The following RIN3 variants were observed in gnomAD, a reference collection of about 807,000 sequenced individuals.
RIN3 encodes the protein Ras and Rab interactor 3.
In RIN3, 54 loss-of-function variants were observed where a neutral mutation model predicts 76.3. The ratio of observed to expected loss-of-function variants is 0.71; its 90% CI spans 0.57 to 0.89. The LOEUF is 0.89. Among genes scored for constraint, RIN3 ranks in the 40% least tolerant of loss-of-function variants. The probability of loss-of-function intolerance (pLI) is 0.00; values close to 1 mark genes in which losing one functional copy is unlikely to be tolerated. For synonymous variants in RIN3, 576 were observed against 564.0 expected (o/e 1.02, Z -0.30); for missense variants, 1,256 against 1,322.1 (o/e 0.95, Z 0.78).
At chr14:92,549,693 C>T (rs1897371746) in intron 1 of RIN3, among the ~76,000 whole-genome samples, 1 of 152,206 alleles carries the variant, frequency 6.6e-6, no homozygotes, top group South Asian at 2.1e-4. Context: ...TTGAGTCCTG[C>T]AGCCCAGGGA....
intron 1 of RIN3, among the ~76,000 whole-genome samples, chr14:92,544,245 G>A (rs1897194007): frequency 6.6e-6 from 1 of 152,162 alleles, no homozygotes; most frequent in South Asian, 2.1e-4. Context: ...TATGGAATGA[G>A]GAGTGGGGAG....
chr14:92,650,442 GAT>G (rs1382843927), intron 5 of RIN3, among the ~76,000 whole-genome samples: 1 of 152,230 alleles, frequency 6.6e-6, no homozygotes, highest in East Asian at 1.9e-4. Flanking sequence ...GAACGCCATG[GAT>G]GTTTGCTCCT....
chr14:92,554,816 G>T (rs944925017), intron 1 of RIN3, among the ~76,000 whole-genome samples: 1 of 152,122 alleles, frequency 6.6e-6, no homozygotes, highest in Non-Finnish European at 1.5e-5. Flanking sequence ...CCAGCTACTC[G>T]GGAGGCTGAA....
At chr14:92,592,891 C>T (rs1204880845) in intron 3 of RIN3, among the ~76,000 whole-genome samples, 4 of 151,942 alleles carry the variant, frequency 2.6e-5, no homozygotes, top group Non-Finnish European at 4.4e-5. Context: ...CCAGGCTGGT[C>T]TCGAACTCCT....
At chr14:92,609,468 T>C (rs547799142) in intron 3 of RIN3, among the ~76,000 whole-genome samples, 1 of 152,216 alleles carries the variant, frequency 6.6e-6, no homozygotes, top group African/African-American at 2.4e-5. Context: ...CCCCTGAGGC[T>C]TTTGCTGAGG....
chr14:92,540,600 G>C (rs891427850), intron 1 of RIN3, among the ~76,000 whole-genome samples: 1 of 152,228 alleles, frequency 6.6e-6, no homozygotes, highest in Non-Finnish European at 1.5e-5. Context: ...GCCTGGAACT[G>C]TGTTTTTGTT....
chr14:92,625,396 C>T (rs747478639), intron 4 of RIN3, among the ~76,000 whole-genome samples: 6 of 152,112 alleles, frequency 3.9e-5, no homozygotes, highest in South Asian at 2.1e-4. Context: ...ATGATATTTG[C>T]GGTAAAGTGA....
intron 3 of RIN3, among the ~76,000 whole-genome samples, chr14:92,590,759 A>C (rs1884951306): frequency 6.6e-6 from 1 of 152,234 alleles, no homozygotes; most frequent in Admixed American, 6.5e-5. Context: ...AAAGGAGGAA[A>C]AAACTGAGAC....
At chr14:92,539,039 G>A (rs1018216526) in intron 1 of RIN3, among the ~76,000 whole-genome samples, 3 of 152,012 alleles carry the variant, frequency 2.0e-5, no homozygotes, top group Non-Finnish European at 4.4e-5. Context: ...TGTGACAGGT[G>A]TGCTCAGGGC....
chr14:92,687,788 G>A (rs903737299), intron 9 of RIN3, 138 bp from the exon 10 acceptor site: 27 of 750,836 alleles, frequency 3.6e-5, no homozygotes, highest in Non-Finnish European at 5.2e-5. Flanking sequence ...GGCAGAGACG[G>A]GAAAGGCGCA....
chr14:92,597,284 C>T (rs1036532748), intron 3 of RIN3, among the ~76,000 whole-genome samples: 3 of 152,116 alleles, frequency 2.0e-5, no homozygotes, highest in Admixed American at 6.5e-5. Flanking sequence ...AGCATAGATT[C>T]CCAGAGAAAT....
chr14:92,682,229 G>A (rs1258381279), intron 8 of RIN3, among the ~76,000 whole-genome samples: 1 of 152,094 alleles, frequency 6.6e-6, no homozygotes, highest in Non-Finnish European at 1.5e-5. Context: ...TGATCCTGTG[G>A]CCATAAACCC....
chr14:92,654,331 AG>A (rs1213090614), intron 6 of RIN3, among the ~76,000 whole-genome samples: 1 of 113,468 alleles, frequency 8.8e-6, no homozygotes, highest in East Asian at 2.2e-4. Context: ...AAAAAAGAAA[AG>A]AAAAGAAAAA....
intron 3 of RIN3, among the ~76,000 whole-genome samples, chr14:92,612,341 C>T (rs1885773688): frequency 2.0e-5 from 3 of 152,190 alleles, no homozygotes; most frequent in African/African-American, 7.2e-5. Context: ...CCCATCAGAA[C>T]AAAGGATTGT....
At chr14:92,525,456 C>G (rs545007505) in intron 1 of RIN3, among the ~76,000 whole-genome samples, 1 of 152,050 alleles carries the variant, frequency 6.6e-6, no homozygotes, top group Non-Finnish European at 1.5e-5. Flanking sequence ...GAAGGAGGAT[C>G]TAGTGCAGGG....
intron 3 of RIN3, among the ~76,000 whole-genome samples, chr14:92,610,201 G>C (rs538774711): frequency 1.4e-4 from 21 of 152,142 alleles, no homozygotes; most frequent in African/African-American, 5.1e-4. Flanking sequence ...TGTACTCAAT[G>C]CCACTGAACT....
intron 1 of RIN3, among the ~76,000 whole-genome samples, chr14:92,543,972 C>A (rs1428006765): frequency 1.3e-5 from 2 of 152,154 alleles, no homozygotes; most frequent in Non-Finnish European, 2.9e-5. Context: ...TGTCCCATGT[C>A]TAATTCAGCC....
At chr14:92,549,014 TC>T (rs36119603) in intron 1 of RIN3, among the ~76,000 whole-genome samples, 21,634 of 151,980 alleles carry the variant, frequency 0.14, 1,894 homozygotes, top group Middle Eastern at 0.2. Context: ...GCTCCCTCCC[TC>T]CCACGCCGGC....
At chr14:92,628,977 C>G (rs142734863) in intron 4 of RIN3, among the ~76,000 whole-genome samples, 2 of 152,300 alleles carry the variant, frequency 1.3e-5, no homozygotes, top group African/African-American at 4.8e-5. Flanking sequence ...GAAAAAGACC[C>G]TGGTCCCTTA....
Sources: gnomAD v4.1 joint callset for allele counts (sites outside exome capture counted in the v4.1 genomes callset) on GRCh38, gnomAD v4.1.1 for gene constraint, MANE v1.5 for transcripts, NCBI Gene and HGNC (gene_info 2026-07-23, HGNC 2026-07-21) for gene names.